DNAH9: variants seen among roughly 807,000 people sequenced by gnomAD.
DNAH9 encodes DNAH9 variant protein.
DNAH9 carries 345 observed loss-of-function variants against 471.6 expected under a neutral mutation model. The observed-to-expected ratio is 0.73, with a 90% confidence interval of 0.67 to 0.80. DNAH9 has a LOEUF of 0.80. DNAH9 is among the 30% of genes least tolerant of loss of function. DNAH9 has a pLI of 0.00. For synonymous variants in DNAH9, 2,093 were observed against 2,123.6 expected (o/e 0.99, Z 0.40); for missense variants, 5,407 against 5,609.2 (o/e 0.96, Z 1.15).
Position 11,891,874 on chromosome 17 carries a change from C to T in DNAH9, c.11210C>T (p.Ser3737Phe). ...AACCTAATAGACAGCATAACCTTCT[C>T]TGTGTACCAGTACACCATCCGCGGG... ...VANLIDSITF[S>F]VYQYTIRGLF... The change falls in exon 58 of 69, where the codon TCT (serine) becomes TTT (phenylalanine). Residue 3737 changes from serine (S) to phenylalanine (F), a missense_variant. Around this residue, in one of 3 missense-constraint regions of DNAH9, gnomAD observed 4,636 missense variants for 4,900.3 expected, o/e 0.95. Transcript: ENST00000262442. 1 of 1,614,166 alleles carries T rather than the reference C, an allele frequency of 6.2e-7. No individual in the cohort carries two copies.
chr17:11,789,612 C>T (rs1401380814), intron 41 of DNAH9, among the ~76,000 whole-genome samples: 1 of 151,862 alleles, frequency 6.6e-6, no homozygotes, highest in African/African-American at 2.4e-5. Flanking sequence ...AGTCAAAAAA[C>T]CTGAAGGGTA....
intron 26 of DNAH9, 120 bp from the exon 27 acceptor site, chr17:11,719,214 A>G (rs2075013708): frequency 4.4e-5 from 42 of 948,646 alleles, no homozygotes; most frequent in Admixed American, 8.1e-5. Flanking sequence ...AGCGGGAAAA[A>G]GGGGCAGGGC....
chr17:11,629,474 G>A lies in DNAH9; in HGVS notation c.1408G>A (p.Val470Ile), dbSNP rs200171758. The A allele has an allele frequency of 8.2e-5, 133 of 1,614,030 alleles. No homozygotes were observed. Among genetic ancestry groups the A allele is most frequent in the Middle Eastern group, 3.3e-4 (2 of 6,062 alleles). Residue 470 changes from valine (V) to isoleucine (I), a missense_variant, in exon 7 of 69, where the codon GTC becomes ATC. Val to Ile is a conservative substitution (Grantham distance 29). Transcript: ENST00000262442. ...HKLGKVEFSG[V>I]RGNALSQQVQ... ...ACTGGGAAAGGTGGAGTTCAGCGGC[G>A]TCAGAGGGAATGCTCTGAGTCAGCA...
chr17:11,692,109 T>C (rs2074343447), intron 20 of DNAH9, among the ~76,000 whole-genome samples: 1 of 152,138 alleles, frequency 6.6e-6, no homozygotes, highest in Admixed American at 6.5e-5. Flanking sequence ...CCTACCCTCT[T>C]GTTTTTAGGT....
At chr17:11,695,071 G>C (rs546382619) in intron 22 of DNAH9, among the ~76,000 whole-genome samples, 1 of 150,680 alleles carries the variant, frequency 6.6e-6, no homozygotes, top group African/African-American at 2.4e-5. Flanking sequence ...TTGTATTTTA[G>C]TAGAGACGGG....
chr17:11,967,198 CT>C (rs978152965), intron 68 of DNAH9, among the ~76,000 whole-genome samples: 3 of 151,830 alleles, frequency 2.0e-5, no homozygotes, highest in Non-Finnish European at 2.9e-5. Flanking sequence ...CCTCAACTTC[CT>C]GGGCTCAAGC....
chr17:11,718,926 A>G (rs765910877), intron 26 of DNAH9, among the ~76,000 whole-genome samples: 2 of 152,146 alleles, frequency 1.3e-5, no homozygotes, highest in African/African-American at 2.4e-5. Context: ...GGCAAAGATT[A>G]AAGAGGAACA....
At position 11,924,709 on chromosome 17, in the gene DNAH9, C is replaced by T. The variant is rs1435624203; in HGVS notation, c.11877+768C>T. Among the ~76,000 whole-genome samples the T allele has an allele frequency of 4.7e-5, 7 of 150,346 alleles. No individual in the cohort carries two copies. The East Asian group carries it at 9.9e-4, about 21-fold the overall frequency. On this transcript the variant is annotated intron_variant, in intron 62 of 68. Coordinates refer to ENST00000262442, the MANE Select transcript of DNAH9 (RefSeq NM_001372.4). ...CGCAATCTCAACTCACTGCAACCTC[C>T]GCCTCCCGGGTTCAAGCGATTCTCC...
chr17:11,678,059 A>T (rs1276323672), intron 17 of DNAH9, among the ~76,000 whole-genome samples: 5 of 151,458 alleles, frequency 3.3e-5, no homozygotes, highest in Admixed American at 6.6e-5. Context: ...TATTTATTTT[A>T]TTTTTTTATT....
intron 15 of DNAH9, among the ~76,000 whole-genome samples, chr17:11,665,472 G>A (rs2073850781): frequency 1.3e-5 from 2 of 152,192 alleles, no homozygotes; most frequent in Admixed American, 1.3e-4. Flanking sequence ...AAGAAGTAGG[G>A]GAGGAGGTAA....
At position 11,626,141 on chromosome 17, in the gene DNAH9, G is replaced by A. The variant is rs78685299; in HGVS notation, c.1351-3276G>A. 0.027 allele frequency among the ~76,000 whole-genome samples: 4,078 copies of A among 152,170 alleles called. 145 individuals carry two copies. The highest frequency in any genetic ancestry group is 0.13 in the East Asian group (664 of 5,168). The stretch of plus-strand genomic sequence containing the variant: ...GGCTCTTTCCACAATGCCATATGTT[G>A]TGTCTCTGAAGTGGATATTTCAGCC... On this transcript the variant is annotated intron_variant, in intron 6 of 68. Coordinates refer to ENST00000262442, the MANE Select transcript of DNAH9 (RefSeq NM_001372.4). The surrounding 1 kb of genome is among the most constrained non-coding windows in gnomAD (Gnocchi z 4.3).
chr17:11,753,100 C>T lies in DNAH9; in HGVS notation c.6738+140C>T, dbSNP rs540254015. 9.6e-5 allele frequency: 54 copies of T among 563,956 alleles called. No individual in the cohort carries two copies. The East Asian group carries it at 1.7e-3, about 18-fold the overall frequency. 34.9% of individuals were successfully genotyped at this position (563,956 alleles called of 1,614,324 possible). A position where few individuals can be genotyped will look rare whatever the true frequency, so the allele number is the denominator to read the frequency against. On this transcript the variant is annotated intron_variant, in intron 33 of 68. Coordinates refer to ENST00000262442, the MANE Select transcript of DNAH9 (RefSeq NM_001372.4). ...GGAACTATCATCAGCATCTTCACCA[C>T]ACATCTCTGCACTGATAAATTCCCA...
Position 11,822,892 on chromosome 17 carries a change from G to C in DNAH9, c.9104G>C (p.Arg3035Pro). The C allele has an allele frequency of 1.9e-6, 3 of 1,614,224 alleles. No individual in the cohort carries two copies. The highest frequency in any genetic ancestry group is 2.5e-6 in the Non-Finnish European group (3 of 1,180,048). Reference sequence around the variant, plus strand: ...CAGTCTTATCTGAGCAATGAACAGCGCTACAACTATACAACTCCCAAGTCC... The same window carrying C: ...CAGTCTTATCTGAGCAATGAACAGCCCTACAACTATACAACTCCCAAGTCC... ...TSQSYLSNEQ[R>P]YNYTTPKSFL... Residue 3035 changes from arginine (R) to proline (P), a missense_variant, in exon 48 of 69, where the codon CGC becomes CCC. Arg to Pro is a moderately radical substitution (Grantham distance 103). Around this residue, in one of 3 missense-constraint regions of DNAH9, gnomAD observed 4,636 missense variants for 4,900.3 expected, o/e 0.95. Transcript: ENST00000262442.
intron 60 of DNAH9, 50 bp downstream of exon 60, chr17:11,902,962 AC>A: frequency 6.4e-7 from 1 of 1,567,172 alleles, no homozygotes; most frequent in South Asian, 1.2e-5. Context: ...GGCAAGGGCA[AC>A]CTCAGGACAA....
chr17:11,900,226 CT>C (rs1433768927), intron 59 of DNAH9, among the ~76,000 whole-genome samples: 1 of 152,110 alleles, frequency 6.6e-6, no homozygotes, highest in East Asian at 1.9e-4. Flanking sequence ...CTCCACACGA[CT>C]TATCTGCACC....
chr17:11,896,922 C>T (rs974626466), intron 59 of DNAH9, among the ~76,000 whole-genome samples: 3 of 152,186 alleles, frequency 2.0e-5, no homozygotes, highest in Non-Finnish European at 4.4e-5. Context: ...GAAACCCCGT[C>T]TCAACTAAAA....
chr17:11,783,848 C>A, intron 40 of DNAH9, 100 bp downstream of exon 40: 1 of 920,140 alleles, frequency 1.1e-6, no homozygotes, highest in Non-Finnish European at 1.7e-6. Flanking sequence ...CCCATGCAGC[C>A]TCTCAGAATG....
chr17:11,882,009 G>A (rs1020165599), intron 55 of DNAH9, among the ~76,000 whole-genome samples: 5 of 152,328 alleles, frequency 3.3e-5, no homozygotes, highest in East Asian at 1.9e-4. Flanking sequence ...ACAGGTCCAC[G>A]TGCCAGAACT....
At chr17:11,655,390 C>A (rs1250764617) in intron 14 of DNAH9, among the ~76,000 whole-genome samples, 1 of 144,160 alleles carries the variant, frequency 6.9e-6, no homozygotes, top group African/African-American at 2.6e-5. Flanking sequence ...GTGTGTAGAA[C>A]TAGATAAAAG....
Sources: allele counts gnomAD v4.1 joint callset (sites outside exome capture counted in the v4.1 genomes callset), GRCh38; gene constraint gnomAD v4.1.1; regional missense constraint gnomAD v4.1.1; non-coding constraint Gnocchi (gnomAD v3.1); transcripts MANE v1.5; gene names NCBI Gene and HGNC (gene_info 2026-07-23, HGNC 2026-07-21).